The following GPATCH2 variants were observed in gnomAD, a reference collection of about 807,000 sequenced individuals.
GPATCH2 encodes G-patch domain containing 2.
GPATCH2 carries 51 observed loss-of-function variants against 58.0 expected under a neutral mutation model. The ratio of observed to expected loss-of-function variants is 0.88; its 90% confidence interval spans 0.70 to 1.11. The LOEUF (loss-of-function observed/expected upper bound fraction) is 1.11, where lower values mean the gene tolerates loss of function less well. GPATCH2 is among the 50% of genes most tolerant of loss of function. GPATCH2 has a pLI of 0.00. For synonymous variants in GPATCH2, 222 were observed against 218.5 expected (o/e 1.02, Z -0.14); for missense variants, 625 against 652.2 (o/e 0.96, Z 0.45).
At chr1:217,540,105 A>G (rs1181589501) in intron 5 of GPATCH2, among the ~76,000 whole-genome samples, 1 of 152,226 alleles carries the variant, frequency 6.6e-6, no homozygotes, top group Non-Finnish European at 1.5e-5. Context: ...AGGTTAGGCA[A>G]TATAAAAATT....
chr1:217,543,197 G>A (rs937922180), intron 5 of GPATCH2, among the ~76,000 whole-genome samples: 3 of 151,456 alleles, frequency 2.0e-5, no homozygotes, highest in Non-Finnish European at 4.4e-5. Context: ...GTGGCTATAT[G>A]TGTTGGCTCC....
chr1:217,431,721 A>C (rs1257789117), intron 9 of GPATCH2, among the ~76,000 whole-genome samples: 1 of 152,174 alleles, frequency 6.6e-6, no homozygotes, highest in Non-Finnish European at 1.5e-5. Context: ...ACCATAAAGT[A>C]CTCTACTAAT....
intron 5 of GPATCH2, among the ~76,000 whole-genome samples, chr1:217,581,634 G>A (rs1475907084): frequency 2.0e-5 from 3 of 152,200 alleles, no homozygotes; most frequent in Non-Finnish European, 4.4e-5. Context: ...GCTCTGGAGT[G>A]CTTCCCAAGA....
In GPATCH2 at chr1:217,431,171, T is replaced by C; in HGVS notation, c.1561A>G (p.Thr521Ala). The change falls in exon 10 of 10, where the codon ACC becomes GCC. Residue 521 changes from threonine to alanine, a missense_variant. Physicochemically the swap from Thr to Ala is moderately conservative, Grantham distance 58. Coordinates refer to ENST00000366935, the MANE Select transcript of GPATCH2 (RefSeq NM_018040.5). ...TAGGCGGATTTTCCTGCATTGGGGG[T>C]AGTAGTTGCGGAAGTACTTTTTGGT... ...PLPKSTSATT[T>A]PNAGKSA The C allele has an allele frequency of 1.3e-6, 2 of 1,566,014 alleles. No individual in the cohort carries two copies. The highest frequency in any genetic ancestry group is 4.5e-5 in the East Asian group (2 of 44,680).
intron 8 of GPATCH2, among the ~76,000 whole-genome samples, chr1:217,490,349 T>G (rs997857311): frequency 1.3e-5 from 2 of 152,204 alleles, no homozygotes; most frequent in African/African-American, 4.8e-5. Context: ...GATTTCGTTT[T>G]ATTTATCGTG....
At chr1:217,560,869 T>C (rs1228101372) in intron 5 of GPATCH2, among the ~76,000 whole-genome samples, 1 of 152,216 alleles carries the variant, frequency 6.6e-6, no homozygotes, top group Non-Finnish European at 1.5e-5. Flanking sequence ...GTTAAAGTTT[T>C]CATTTTTCAC....
At chr1:217,455,134 T>G (rs2102478810) in intron 8 of GPATCH2, among the ~76,000 whole-genome samples, 1 of 152,290 alleles carries the variant, frequency 6.6e-6, no homozygotes, top group South Asian at 2.1e-4. Flanking sequence ...GTTTAAGTTT[T>G]AGCTCAGTGC....
intron 6 of GPATCH2, among the ~76,000 whole-genome samples, chr1:217,499,733 C>T (rs1571813365): frequency 1.4e-5 from 2 of 141,158 alleles, no homozygotes. Flanking sequence ...TGGATTGTGC[C>T]TTTTTTTTTT....
intron 8 of GPATCH2, among the ~76,000 whole-genome samples, chr1:217,452,513 A>G (rs1659715148): frequency 6.6e-6 from 1 of 152,228 alleles, no homozygotes; most frequent in Non-Finnish European, 1.5e-5. Flanking sequence ...TGCACTAGTT[A>G]TATGTAATTG....
At chr1:217,614,107 T>C in intron 3 of GPATCH2, 34 bp downstream of exon 3, 1 of 1,257,680 alleles carries the variant, frequency 8.0e-7, no homozygotes. Context: ...TGAAGAAGTT[T>C]TTCCAAAGAG....
intron 8 of GPATCH2, among the ~76,000 whole-genome samples, chr1:217,478,993 GA>G (rs757703900): frequency 1.2e-4 from 18 of 147,262 alleles, no homozygotes; most frequent in East Asian, 5.9e-4. Flanking sequence ...AATGCTAAAG[GA>G]AAAAAAAAAC....
intron 8 of GPATCH2, among the ~76,000 whole-genome samples, chr1:217,457,469 C>T (rs547636889): frequency 7.0e-4 from 106 of 152,290 alleles, no homozygotes; most frequent in African/African-American, 2.5e-3. Context: ...TTAGCTATTA[C>T]TCTTACTATT....
At chr1:217,502,355 T>C (rs1174964646) in intron 6 of GPATCH2, among the ~76,000 whole-genome samples, 3 of 152,076 alleles carry the variant, frequency 2.0e-5, no homozygotes, top group African/African-American at 7.2e-5. Flanking sequence ...CTATGAACCA[T>C]GAAGTCTCTT....
intron 5 of GPATCH2, among the ~76,000 whole-genome samples, chr1:217,533,739 T>C (rs372400898): frequency 1.1e-4 from 16 of 152,230 alleles, no homozygotes; most frequent in African/African-American, 3.9e-4. Context: ...GCCAGATACT[T>C]TGTTCTGAAT....
intron 5 of GPATCH2, among the ~76,000 whole-genome samples, chr1:217,601,687 A>ACTGTCCAAGG (rs1041406185): frequency 1.3e-5 from 2 of 152,104 alleles, no homozygotes; most frequent in African/African-American, 2.4e-5. Context: ...AAGGCACTAG[A>ACTGTCCAAGG]CTGTCCAAGG....
rs149078909 is a variant in GPATCH2 at position 217,570,510 on chromosome 1, C to T, written c.1098+39811G>A. ...TATAAATCTTTCTATAAGTATCTTG[C>T]GGCCCAAGACAGAGAACATTTTTTT... On this transcript the variant is annotated intron_variant, in intron 5 of 9. Coordinates refer to ENST00000366935, the MANE Select transcript of GPATCH2 (RefSeq NM_018040.5). 3.9e-5 allele frequency among the ~76,000 whole-genome samples: 6 copies of T among 152,286 alleles called. No homozygotes were observed. In the East Asian group the frequency reaches 9.6e-4, roughly 24 times the overall value.
chr1:217,427,295 A>T lies in GPATCH2; in HGVS notation c.*3850T>A, dbSNP rs1658375052. 6.6e-6 allele frequency: 1 copy of T among 152,174 alleles called. No homozygotes were observed. The allele number at this position is 152,174 out of a possible 1,614,324, so 9.4% of individuals were successfully genotyped here. A position where few individuals can be genotyped will look rare whatever the true frequency, so the allele number is the denominator to read the frequency against. ...CAATAAAAACAGGAAAATGTGGTAG[A>T]GCAGCTCACAATCGGCTATGAATAC... On this transcript the variant is annotated 3_prime_UTR_variant, in exon 10 of 10. Transcript: ENST00000366935.
At chr1:217,488,812 T>A (rs2102528766) in intron 8 of GPATCH2, among the ~76,000 whole-genome samples, 1 of 151,966 alleles carries the variant, frequency 6.6e-6, no homozygotes, top group African/African-American at 2.4e-5. Flanking sequence ...CTGCCTCAGC[T>A]TGCTGTGTAG....
intron 7 of GPATCH2, chr1:217,498,151 C>A: frequency 4.6e-6 from 3 of 650,512 alleles, no homozygotes; most frequent in South Asian, 1.8e-5. Context: ...AAGACAGTGG[C>A]AGTAAAGGAA....
Sources: gnomAD v4.1 joint callset for allele counts (sites outside exome capture counted in the v4.1 genomes callset) on GRCh38, gnomAD v4.1.1 for gene constraint, MANE v1.5 for transcripts, NCBI Gene and HGNC (gene_info 2026-07-23, HGNC 2026-07-21) for gene names.